The following SERGEF variants were observed in gnomAD, a reference collection of about 807,000 sequenced individuals.
The protein encoded by SERGEF is secretion-regulating guanine nucleotide exchange factor.
A neutral mutation model predicts 50.0 loss-of-function variants in SERGEF; 51 were observed. That is an observed-to-expected ratio of 1.02 (90% CI 0.81 to 1.29). SERGEF has a LOEUF of 1.29. SERGEF is among the 50% of genes most tolerant of loss of function. SERGEF has a pLI of 0.00. For synonymous variants in SERGEF, 205 were observed against 212.4 expected, an observed-to-expected ratio of 0.97 and a Z score of 0.30; for missense variants, 521 against 557.0, an observed-to-expected ratio of 0.94 and a Z score of 0.65.
intron 4 of SERGEF, among the ~76,000 whole-genome samples, chr11:18,002,471 TCTC>T (rs1853982946): frequency 6.6e-6 from 1 of 152,132 alleles, no homozygotes; most frequent in South Asian, 2.1e-4. Flanking sequence ...TATCCCAAAC[TCTC>T]CTGTTTCATT....
At chr11:17,948,024 C>G (rs1852700163) in intron 9 of SERGEF, among the ~76,000 whole-genome samples, 1 of 149,996 alleles carries the variant, frequency 6.7e-6, no homozygotes, top group Non-Finnish European at 1.5e-5. Flanking sequence ...ACAATCTCAG[C>G]TAACTGCAAC....
intron 5 of SERGEF, among the ~76,000 whole-genome samples, chr11:18,000,274 C>G (rs934605449): frequency 2.8e-4 from 43 of 152,114 alleles, no homozygotes; most frequent in African/African-American, 9.6e-4. Flanking sequence ...ATAGCGAGAC[C>G]CTGTCTCTAC....
At chr11:17,878,696 T>C (rs995563004) in intron 9 of SERGEF, among the ~76,000 whole-genome samples, 2 of 152,102 alleles carry the variant, frequency 1.3e-5, no homozygotes, top group African/African-American at 4.8e-5. Context: ...TGTGGAGAAA[T>C]GTTTGACTTT....
chr11:17,845,961 T>C lies in SERGEF; in HGVS notation c.1048+32247A>G, dbSNP rs142382404. 5.4e-4 allele frequency among the ~76,000 whole-genome samples: 82 copies of C among 152,262 alleles called. 2 individuals are homozygous for C. Among genetic ancestry groups the C allele is most frequent in the African/African-American group, 1.9e-3 (78 of 41,564 alleles). ...CTGGCCAGATTTTTTTAAATGCTTGTTGAGTGAATGAATGAACAAATAATC... is the reference window on the plus strand; with the variant it reads ...CTGGCCAGATTTTTTTAAATGCTTGCTGAGTGAATGAATGAACAAATAATC... On this transcript the variant is annotated intron_variant, in intron 10 of 10. Coordinates refer to ENST00000265965, the MANE Select transcript of SERGEF (RefSeq NM_012139.4).
chr11:17,885,055 C>T (rs1404619136), intron 9 of SERGEF, among the ~76,000 whole-genome samples: 1 of 152,188 alleles, frequency 6.6e-6, no homozygotes, highest in Non-Finnish European at 1.5e-5. Flanking sequence ...ACTGCCTCCT[C>T]CTCCTCTGAT....
chr11:17,978,873 C>T (rs975221549), intron 8 of SERGEF, among the ~76,000 whole-genome samples: 2 of 152,224 alleles, frequency 1.3e-5, no homozygotes, highest in African/African-American at 4.8e-5. Context: ...CCTACTGCTG[C>T]CATCTGGTGG....
chr11:17,971,500 A>T (rs1021541755), intron 8 of SERGEF, among the ~76,000 whole-genome samples: 7 of 152,228 alleles, frequency 4.6e-5, no homozygotes, highest in Admixed American at 4.6e-4. Context: ...CCAGAAATGG[A>T]ACAACAGAGC....
chr11:17,880,000 T>C (rs1394574306), intron 9 of SERGEF, among the ~76,000 whole-genome samples: 5 of 152,356 alleles, frequency 3.3e-5, no homozygotes, highest in Admixed American at 2.6e-4. Flanking sequence ...CTCAGGCCCC[T>C]GACAGTGTAG....
chr11:17,879,408 T>C (rs1851299659), intron 9 of SERGEF, among the ~76,000 whole-genome samples: 1 of 152,172 alleles, frequency 6.6e-6, no homozygotes, highest in Non-Finnish European at 1.5e-5. Flanking sequence ...GGAATGTTAA[T>C]ACTGGAAGGG....
intron 10 of SERGEF, among the ~76,000 whole-genome samples, chr11:17,847,019 C>T (rs866190963): frequency 3.9e-4 from 60 of 152,212 alleles, no homozygotes; most frequent in African/African-American, 1.4e-3. Flanking sequence ...CAGATCTGCA[C>T]CTCACCTCCA....
intron 9 of SERGEF, among the ~76,000 whole-genome samples, chr11:17,883,769 C>T (rs1480392403): frequency 6.6e-6 from 1 of 152,178 alleles, no homozygotes; most frequent in Non-Finnish European, 1.5e-5. Flanking sequence ...CAAACAACAT[C>T]CTGCCTAGGG....
chr11:17,825,265 AG>A (rs775207812), intron 10 of SERGEF, among the ~76,000 whole-genome samples: 1 of 152,208 alleles, frequency 6.6e-6, no homozygotes, highest in Non-Finnish European at 1.5e-5. Context: ...CTCCTTTGAA[AG>A]GGTATTCCTA....
chr11:17,942,995 T>C (rs1452920822), intron 9 of SERGEF, among the ~76,000 whole-genome samples: 3 of 152,156 alleles, frequency 2.0e-5, no homozygotes, highest in Admixed American at 6.5e-5. Context: ...GGATTTGATT[T>C]GCTAATATTT....
intron 9 of SERGEF, among the ~76,000 whole-genome samples, chr11:17,882,418 CAAAAAA>C (rs770460948): frequency 2.9e-5 from 2 of 68,198 alleles, no homozygotes; most frequent in African/African-American, 1.1e-4. Context: ...GAGTCAGTCT[CAAAAAA>C]AAAAAAAAAA....
chr11:17,959,235 A>T (rs541579658), intron 9 of SERGEF, among the ~76,000 whole-genome samples: 1 of 152,314 alleles, frequency 6.6e-6, no homozygotes, highest in African/African-American at 2.4e-5. Context: ...TCTTCACAGT[A>T]GATCCAAAGT....
At chr11:17,931,619 G>A (rs942042975) in intron 9 of SERGEF, among the ~76,000 whole-genome samples, 1 of 152,158 alleles carries the variant, frequency 6.6e-6, no homozygotes, top group African/African-American at 2.4e-5. Flanking sequence ...AGAAAAAGTG[G>A]CAAACTAGAA....
intron 9 of SERGEF, among the ~76,000 whole-genome samples, chr11:17,950,184 G>T (rs1454348452): frequency 6.6e-6 from 1 of 152,160 alleles, no homozygotes; most frequent in African/African-American, 2.4e-5. Flanking sequence ...ACAATCATTT[G>T]CTCAGCACCT....
intron 10 of SERGEF, among the ~76,000 whole-genome samples, chr11:17,792,758 T>C (rs937488431): frequency 2.0e-5 from 3 of 152,268 alleles, no homozygotes; most frequent in African/African-American, 7.2e-5. Flanking sequence ...GGCTCTAGAA[T>C]CCAGGCAGGA....
intron 9 of SERGEF, among the ~76,000 whole-genome samples, chr11:17,910,288 A>G (rs1851927626): frequency 6.6e-6 from 1 of 151,890 alleles, no homozygotes; most frequent in Non-Finnish European, 1.5e-5. Flanking sequence ...TCACTGTGCT[A>G]CCCAGGTTAG....
Sources: allele counts gnomAD v4.1 joint callset (sites outside exome capture counted in the v4.1 genomes callset), GRCh38; gene constraint gnomAD v4.1.1; transcripts MANE v1.5; gene names NCBI Gene and HGNC (gene_info 2026-07-23, HGNC 2026-07-21).